The following SLC41A3 variants were observed in gnomAD, a reference collection of about 807,000 sequenced individuals.
SLC41A3 encodes the protein SLC41A1-like 2.
Under a neutral mutation model 45.4 loss-of-function variants are expected in SLC41A3, and 44 were observed. The ratio of observed to expected loss-of-function variants is 0.97; its 90% CI spans 0.76 to 1.25. SLC41A3 has a LOEUF of 1.25. Among genes scored for constraint, SLC41A3 ranks in the 50% most tolerant of loss-of-function variants. The pLI, the probability that SLC41A3 is intolerant of heterozygous loss-of-function variation, is 0.00. For synonymous variants in SLC41A3, 256 were observed against 252.4 expected, an observed-to-expected ratio of 1.01 and a Z score of -0.13; for missense variants, 550 against 600.6, an observed-to-expected ratio of 0.92 and a Z score of 0.88.
At chr3:126,017,447 G>A (rs113888922) in intron 6 of SLC41A3, among the ~76,000 whole-genome samples, 63 of 152,332 alleles carry the variant, frequency 4.1e-4, no homozygotes, top group Non-Finnish European at 8.1e-4. Context: ...GTAGCTACTC[G>A]TGTCCCCATC....
chr3:126,052,232 C>T (rs932622819), intron 2 of SLC41A3, among the ~76,000 whole-genome samples: 2 of 152,180 alleles, frequency 1.3e-5, no homozygotes, highest in Non-Finnish European at 2.9e-5. Context: ...CTGGTGGCAT[C>T]TGGCCACAGC....
chr3:126,072,997 A>G (rs1253834169), intron 1 of SLC41A3, among the ~76,000 whole-genome samples: 1 of 152,230 alleles, frequency 6.6e-6, no homozygotes, highest in African/African-American at 2.4e-5. Context: ...CCATAATCCT[A>G]AACAACCTAA....
rs1203009610 is a variant in SLC41A3, at chr3:126,006,488, G to A, written c.*528C>T. On this transcript the variant is annotated 3_prime_UTR_variant, in exon 11 of 11. Transcript: ENST00000360370. ...CGATTAAATGTTGAGTGCAGATGAAGGGTTGTATGAGGCCCCATCCTGGGG... is the reference window on the plus strand; with the variant it reads ...CGATTAAATGTTGAGTGCAGATGAAAGGTTGTATGAGGCCCCATCCTGGGG... 6.2e-7 allele frequency: 1 copy of A among 1,614,080 alleles called. No individual in the cohort carries two copies. The highest frequency in any genetic ancestry group is 8.5e-7 in the Non-Finnish European group (1 of 1,180,028).
chr3:126,010,726 G>A (rs1173048073), intron 9 of SLC41A3, among the ~76,000 whole-genome samples: 2 of 152,240 alleles, frequency 1.3e-5, no homozygotes, highest in Admixed American at 6.5e-5. Flanking sequence ...CCTTGTCAGT[G>A]AAGCCATGTG....
chr3:126,007,201 C>G lies in SLC41A3; in HGVS notation c.1279G>C (p.Glu427Gln). 2 of 1,614,032 alleles carry G rather than the reference C, an allele frequency of 1.2e-6. No individual in the cohort carries two copies. Among genetic ancestry groups the G allele is most frequent in the Non-Finnish European group, 1.7e-6 (2 of 1,179,902 alleles). ...IQVTILLYLA[E>Q]VMVRLTWHQA... is the part of the protein sequence containing the mutation. ...TGCCAAGTCAGCCGAACCATCACTT[C>G]TGCGAGGTACAGCAGGATTGTCACC... is the stretch of plus-strand genomic sequence containing the variant. Residue 427 changes from glutamate to glutamine, a missense_variant, in exon 11 of 11, where the codon GAA becomes CAA. By Grantham distance (29) the Glu-to-Gln change is conservative. Coordinates refer to ENST00000360370, the MANE Select transcript of SLC41A3 (RefSeq NM_017836.4).
Position 126,026,463 on chromosome 3 carries a change from A to G in SLC41A3, c.470T>C (p.Val157Ala). 6.2e-7 allele frequency: 1 copy of G among 1,604,228 alleles called. No homozygotes were observed. Among genetic ancestry groups the G allele is most frequent in the Non-Finnish European group, 8.5e-7 (1 of 1,175,166 alleles). Reference sequence around the variant, plus strand: ...CGCAGCCACAGCAGCCAAGAGCCCCACGACAGTGGCCTGCACCTGTTGGAC... The same window carrying G: ...CGCAGCCACAGCAGCCAAGAGCCCCGCGACAGTGGCCTGCACCTGTTGGAC... The part of the protein sequence containing the change: ...LALIQVQATV[V>A]GLLAAVAALL... Residue 157 changes from valine to alanine, a missense_variant, in exon 5 of 11, where the codon GTG becomes GCG. Val to Ala is a moderately conservative substitution (Grantham distance 64, BLOSUM62 0). Coordinates refer to ENST00000360370, the MANE Select transcript of SLC41A3 (RefSeq NM_017836.4). This position sits in a 1 kb window ranked among gnomAD's most constrained non-coding sequence, Gnocchi z 4.2.
chr3:126,033,518 G>C, intron 4 of SLC41A3, 89 bp downstream of exon 4: 1 of 1,420,446 alleles, frequency 7.0e-7, no homozygotes, highest in Non-Finnish European at 9.8e-7. Flanking sequence ...AGAGTGCAGG[G>C]ACAAGAGCTC....
At chr3:126,073,771 G>C (rs1167816443) in intron 1 of SLC41A3, among the ~76,000 whole-genome samples, 1 of 151,938 alleles carries the variant, frequency 6.6e-6, no homozygotes, top group East Asian at 1.9e-4. Flanking sequence ...GGCTTCACTA[G>C]AGAAGTCTAC....
intron 8 of SLC41A3, 39 bp from the exon 9 acceptor site, chr3:126,012,788 G>T: frequency 6.2e-7 from 1 of 1,611,726 alleles, no homozygotes; most frequent in Admixed American, 1.7e-5. Context: ...CTTTCTTTAC[G>T]CCAGTCTCTA....
At position 126,049,153 on chromosome 3, in the gene SLC41A3, T is replaced by G. The variant is rs577494205; in HGVS notation, c.381+1790A>C. Among the ~76,000 whole-genome samples the G allele has an allele frequency of 2.2e-4, 34 of 152,100 alleles. 1 individual carries two copies. In the South Asian group the frequency reaches 6.8e-3, roughly 31 times the overall value. On this transcript the variant is annotated intron_variant, in intron 3 of 10. Transcript: ENST00000360370. ...TCATGTTTTACATATTTTAAGAGAATTAAAACACTGAGATACGATCGTTGT... is the reference window on the plus strand; with the variant it reads ...TCATGTTTTACATATTTTAAGAGAAGTAAAACACTGAGATACGATCGTTGT...
intron 3 of SLC41A3, among the ~76,000 whole-genome samples, chr3:126,048,455 G>A (rs1943108237): frequency 6.6e-6 from 1 of 152,106 alleles, no homozygotes; most frequent in South Asian, 2.1e-4. Flanking sequence ...TCATTTAGAT[G>A]TTTTGAAACT....
At chr3:126,039,522 G>T (rs190189379) in intron 3 of SLC41A3, among the ~76,000 whole-genome samples, 1 of 152,200 alleles carries the variant, frequency 6.6e-6, no homozygotes. Context: ...TGATAGCAGC[G>T]AGACTTGTCA....
intron 2 of SLC41A3, chr3:126,056,993 G>A: frequency 2.9e-6 from 3 of 1,029,318 alleles, no homozygotes; most frequent in Non-Finnish European, 3.5e-6. Context: ...TGGCCTTGGT[G>A]AGTGCCCACA....
intron 3 of SLC41A3, among the ~76,000 whole-genome samples, chr3:126,049,969 T>C (rs1012741588): frequency 1.3e-5 from 2 of 152,172 alleles, no homozygotes; most frequent in African/African-American, 4.8e-5. Flanking sequence ...CTGCTTCCAC[T>C]ACATGGCCTT....
intron 1 of SLC41A3, among the ~76,000 whole-genome samples, chr3:126,075,374 T>C (rs1341358714): frequency 6.6e-6 from 1 of 152,008 alleles, no homozygotes; most frequent in Non-Finnish European, 1.5e-5. Context: ...CCAAAACTTG[T>C]ACCCTGAAAA....
chr3:126,045,704 C>T (rs1316837942), intron 3 of SLC41A3, among the ~76,000 whole-genome samples: 1 of 152,082 alleles, frequency 6.6e-6, no homozygotes, highest in Admixed American at 6.6e-5. Flanking sequence ...AAAATTAACA[C>T]CAATCCTCCA....
At chr3:126,049,064 G>A (rs1319154208) in intron 3 of SLC41A3, among the ~76,000 whole-genome samples, 1 of 152,234 alleles carries the variant, frequency 6.6e-6, no homozygotes, top group African/African-American at 2.4e-5. Flanking sequence ...ACTTTGGGAG[G>A]CCAAGGCGGG....
At chr3:126,100,753 A>T (rs1559905148) in intron 1 of SLC41A3, among the ~76,000 whole-genome samples, 3 of 152,144 alleles carry the variant, frequency 2.0e-5, no homozygotes. Flanking sequence ...GTGTCCTTGC[A>T]CTCTCAGCAG....
In SLC41A3 at chr3:126,084,076, A is replaced by C; in HGVS notation, c.-28+17T>G. Reference sequence around the variant, plus strand: ...CACCTTCCGCCCCAACCCCGCCCGGAACAGGGCCGCGCTTACCGGGTCCCC... The same window carrying C: ...CACCTTCCGCCCCAACCCCGCCCGGCACAGGGCCGCGCTTACCGGGTCCCC... On this transcript the variant is annotated intron_variant, in intron 1 of 10. Transcript: ENST00000360370. The C allele has an allele frequency of 6.6e-6, 1 of 151,608 alleles. No individual in the cohort carries two copies. Among genetic ancestry groups the C allele is most frequent in the East Asian group, 2.0e-4 (1 of 5,114 alleles). 9.4% of individuals were successfully genotyped at this position (151,608 alleles called of 1,614,324 possible). A position where few individuals can be genotyped will look rare whatever the true frequency, so the allele number is the denominator to read the frequency against.
Sources: allele counts gnomAD v4.1 joint callset (sites outside exome capture counted in the v4.1 genomes callset), GRCh38; gene constraint gnomAD v4.1.1; non-coding constraint Gnocchi (gnomAD v3.1); transcripts MANE v1.5; gene names NCBI Gene and HGNC (gene_info 2026-07-23, HGNC 2026-07-21).